EFNB3: variants seen among roughly 807,000 people sequenced by gnomAD.
EFNB3 encodes the protein ephrin B3, also known as ephrin-B3.
A neutral mutation model predicts 29.8 loss-of-function variants in EFNB3; 14 were observed. The observed-to-expected ratio is 0.47, with a 90% CI of 0.31 to 0.73. The LOEUF (loss-of-function observed/expected upper bound fraction) is 0.73, where lower values mean the gene tolerates loss of function less well. Among genes scored for constraint, EFNB3 ranks in the 30% least tolerant of loss-of-function variants. The probability of loss-of-function intolerance (pLI) is 0.05; values close to 1 mark genes in which losing one functional copy is unlikely to be tolerated. For missense variants in EFNB3, 408 were observed against 458.0 expected (o/e 0.89, Z 1.00); for synonymous variants, 216 against 191.6 (o/e 1.13, Z -1.05).
Position 7,708,124 on chromosome 17 carries a change from G to A in EFNB3, c.289G>A (p.Ala97Thr), listed in dbSNP as rs1365320532. Residue 97 changes from alanine (A) to threonine (T), a missense_variant, in exon 2 of 5, where the codon GCC becomes ACC. By Grantham distance (58) the Ala-to-Thr change is moderately conservative (BLOSUM62 0). Around this residue, in one of 3 missense-constraint regions of EFNB3, gnomAD observed 128 missense variants for 140.8 expected, o/e 0.91. Coordinates refer to ENST00000226091, the MANE Select transcript of EFNB3 (RefSeq NM_001406.4). This position sits in a 1 kb window ranked among gnomAD's most constrained non-coding sequence, Gnocchi z 6.8. ...AQGRRCEAPPAPNLLLTCDRP... is the reference protein window; with the variant it reads ...AQGRRCEAPPTPNLLLTCDRP... ...GGGCCGGCGCTGTGAGGCACCCCCT[G>A]CCCCAAACCTCCTTCTCACTTGTGA... is the stretch of plus-strand genomic sequence containing the variant. 4 of 1,613,988 alleles carry A rather than the reference G, an allele frequency of 2.5e-6. No homozygotes were observed. Among genetic ancestry groups the A allele is most frequent in the Non-Finnish European group, 3.4e-6 (4 of 1,180,022 alleles).
Position 7,709,136 on chromosome 17 carries a change from CCT to C in EFNB3, c.614-28_614-27del, listed in dbSNP as rs562025360. ...CCAGGTGGCTCCTTCAGTCCCTCCC[CCT>C]CTTTCCTCCTTCACCCCTTCCCTGC... On this transcript the variant is annotated intron_variant, in intron 4 of 4. Transcript: ENST00000226091. The surrounding 1 kb of genome is among the most constrained non-coding windows in gnomAD (Gnocchi z 4.5). 8 of 1,588,602 alleles carry C rather than the reference CCT, an allele frequency of 5.0e-6. No homozygotes were observed. Among genetic ancestry groups the C allele is most frequent in the East Asian group, 2.2e-5 (1 of 44,554 alleles).
Position 7,709,590 on chromosome 17 carries a change from G to A in EFNB3, c.*14G>A, listed in dbSNP as rs201191552. On this transcript the variant is annotated 3_prime_UTR_variant, in exon 5 of 5. Transcript: ENST00000226091. The surrounding 1 kb of genome is among the most constrained non-coding windows in gnomAD (Gnocchi z 4.5). ...TACAAGGTATGAGGGCTCCTCTCAC[G>A]TGGCTATCCTGAATCCAGCCCTTCT... 1.0e-4 allele frequency: 169 copies of A among 1,613,624 alleles called. 1 individual carries two copies. In the African/African-American group the frequency reaches 1.8e-3, roughly 17 times the overall value.
Position 7,705,814 on chromosome 17 carries a change from AG to A in EFNB3, c.122+96del. On this transcript the variant is annotated intron_variant, in intron 1 of 4. Coordinates refer to ENST00000226091, the MANE Select transcript of EFNB3 (RefSeq NM_001406.4). This position sits in a 1 kb window ranked among gnomAD's most constrained non-coding sequence, Gnocchi z 5.4. ...AGGCGGGCTTCTGTGGGCAGGGAGG[AG>A]GCGGGAGGGAAGGTGCTGGTGCTCT... The A allele has an allele frequency of 7.0e-7, 1 of 1,432,092 alleles. No homozygotes were observed. 88.7% of individuals were successfully genotyped at this position (1,432,092 alleles called of 1,614,324 possible). A position where few individuals can be genotyped will look rare whatever the true frequency, so the allele number is the denominator to read the frequency against.
chr17:7,708,567 C>A lies in EFNB3; in HGVS notation c.508+40C>A. ...GGGACACCTCCTGGGCACGAAGGGACGTTGGGGCAGTACGATCATGGTTGG... is the reference window on the plus strand; with the variant it reads ...GGGACACCTCCTGGGCACGAAGGGAAGTTGGGGCAGTACGATCATGGTTGG... On this transcript the variant is annotated intron_variant, in intron 3 of 4. Coordinates refer to ENST00000226091, the MANE Select transcript of EFNB3 (RefSeq NM_001406.4). This position sits in a 1 kb window ranked among gnomAD's most constrained non-coding sequence, Gnocchi z 6.8. 2 of 1,604,168 alleles carry A rather than the reference C, an allele frequency of 1.2e-6. No homozygotes were observed. The highest frequency in any genetic ancestry group is 8.5e-7 in the Non-Finnish European group (1 of 1,175,068).
chr17:7,709,697 T>TC lies in EFNB3; in HGVS notation c.*123dup. ...CCCTGTGCCCCCCCAGCCCCTTCACTCCTCCCGGCTGCTGTCCTCGTCTCC... is the reference window on the plus strand; with the variant it reads ...CCCTGTGCCCCCCCAGCCCCTTCACTCCCTCCCGGCTGCTGTCCTCGTCTCC... On this transcript the variant is annotated 3_prime_UTR_variant, in exon 5 of 5. Transcript: ENST00000226091. The surrounding 1 kb of genome is among the most constrained non-coding windows in gnomAD (Gnocchi z 4.5). 2.0e-6 allele frequency: 2 copies of TC among 975,688 alleles called. No homozygotes were observed. Among genetic ancestry groups the TC allele is most frequent in the Non-Finnish European group, 3.1e-6 (2 of 638,236 alleles). The allele number at this position is 975,688 out of a possible 1,614,324, so 60.4% of individuals were successfully genotyped here.
Position 7,711,124 on chromosome 17 carries a change from T to C in EFNB3, c.*1548T>C, listed in dbSNP as rs2074348159. 6.6e-6 allele frequency: 1 copy of C among 152,632 alleles called. No individual in the cohort carries two copies. The highest frequency in any genetic ancestry group is 6.5e-5 in the Admixed American group (1 of 15,272). 9.5% of individuals were successfully genotyped at this position (152,632 alleles called of 1,614,324 possible). A position where few individuals can be genotyped will look rare whatever the true frequency, so the allele number is the denominator to read the frequency against. On this transcript the variant is annotated 3_prime_UTR_variant, in exon 5 of 5. Coordinates refer to ENST00000226091, the MANE Select transcript of EFNB3 (RefSeq NM_001406.4). ...CAGTTTTATTAGATCAAAGCTGTTG[T>C]TGGGCACCAGGTTGGCCACCTCAAT...
chr17:7,711,018 C>T lies in EFNB3; in HGVS notation c.*1442C>T, dbSNP rs2074347858. On this transcript the variant is annotated 3_prime_UTR_variant, in exon 5 of 5. Coordinates refer to ENST00000226091, the MANE Select transcript of EFNB3 (RefSeq NM_001406.4). ...GCTGACAGTGGTACTTAGCAAAGGC[C>T]ACTGTTTCCATAGTGACCAGCTGAT... 1 of 152,596 alleles carries T rather than the reference C, an allele frequency of 6.6e-6. No individual in the cohort carries two copies. Among genetic ancestry groups the T allele is most frequent in the Admixed American group, 6.5e-5 (1 of 15,280 alleles). The allele number at this position is 152,596 out of a possible 1,614,324, so 9.5% of individuals were successfully genotyped here.
Position 7,708,957 on chromosome 17 carries a change from A to G in EFNB3, c.614-210A>G, listed in dbSNP as rs971768863. On this transcript the variant is annotated intron_variant, in intron 4 of 4. Transcript: ENST00000226091. This position sits in a 1 kb window ranked among gnomAD's most constrained non-coding sequence, Gnocchi z 6.8. ...AGTCAGTGCTTCAATCAGTGCTGTCAGAGAAGTGGGGAGGACTCCGTGGCA... is the reference window on the plus strand; with the variant it reads ...AGTCAGTGCTTCAATCAGTGCTGTCGGAGAAGTGGGGAGGACTCCGTGGCA... 6.6e-6 allele frequency among the ~76,000 whole-genome samples: 1 copy of G among 152,246 alleles called. No individual in the cohort carries two copies. The highest frequency in any genetic ancestry group is 1.5e-5 in the Non-Finnish European group (1 of 68,038).
rs2151099508 is a variant in EFNB3, at chr17:7,708,539, T to TG, written c.508+17dup. 5 of 1,612,460 alleles carry TG rather than the reference T, an allele frequency of 3.1e-6. No homozygotes were observed. In the East Asian group the frequency reaches 1.1e-4, roughly 36 times the overall value. On this transcript the variant is annotated intron_variant, in intron 3 of 4. Coordinates refer to ENST00000226091, the MANE Select transcript of EFNB3 (RefSeq NM_001406.4). This position sits in a 1 kb window ranked among gnomAD's most constrained non-coding sequence, Gnocchi z 6.8. Reference sequence around the variant, plus strand: ...CCGAGTGGGACAAAGTGAGTGGGGCTGGGGGACACCTCCTGGGCACGAAGG... The same window carrying TG: ...CCGAGTGGGACAAAGTGAGTGGGGCTGGGGGGACACCTCCTGGGCACGAAGG...
Position 7,705,496 on chromosome 17 carries a change from C to T in EFNB3, c.-103C>T, listed in dbSNP as rs998998639. On this transcript the variant is annotated 5_prime_UTR_variant, in exon 1 of 5. Transcript: ENST00000226091. This position sits in a 1 kb window ranked among gnomAD's most constrained non-coding sequence, Gnocchi z 5.4. ...CGTGGGCGCTGGGGGCATCAGCTACCGGGGTGGTCCGGGCTGAAGAGCCAG... is the reference window on the plus strand; with the variant it reads ...CGTGGGCGCTGGGGGCATCAGCTACTGGGGTGGTCCGGGCTGAAGAGCCAG... 3.1e-5 allele frequency: 18 copies of T among 580,082 alleles called. No individual in the cohort carries two copies. Among genetic ancestry groups the T allele is most frequent in the African/African-American group, 3.0e-4 (15 of 50,082 alleles). 35.9% of individuals were successfully genotyped at this position (580,082 alleles called of 1,614,324 possible).
Position 7,708,224 on chromosome 17 carries a change from G to T in EFNB3, c.389G>T (p.Arg130Leu). The change falls in exon 2 of 5, where the codon CGC becomes CTC. Residue 130 changes from arginine (R) to leucine (L), a missense_variant. By Grantham distance (102) the Arg-to-Leu change is moderately radical (BLOSUM62 -2). Around this residue, in one of 3 missense-constraint regions of EFNB3, gnomAD observed 47 missense variants for 86.6 expected, o/e 0.54. Transcript: ENST00000226091. This position sits in a 1 kb window ranked among gnomAD's most constrained non-coding sequence, Gnocchi z 6.8. ...YSPNLWGHEF[R>L]SHHDYYIIAT... ...CCTAATCTCTGGGGCCACGAGTTCC[G>T]CTCGCACCACGATTACTACATCATT... is the stretch of plus-strand genomic sequence containing the variant. 1 of 1,610,114 alleles carries T rather than the reference G, an allele frequency of 6.2e-7. No individual in the cohort carries two copies. The highest frequency in any genetic ancestry group is 8.5e-7 in the Non-Finnish European group (1 of 1,179,984).
In EFNB3 at chr17:7,705,756, A is replaced by T; in HGVS notation, c.122+36A>T. 2 of 1,530,806 alleles carry T rather than the reference A, an allele frequency of 1.3e-6. No homozygotes were observed. Among genetic ancestry groups the T allele is most frequent in the Middle Eastern group, 1.7e-4 (1 of 5,854 alleles). 94.8% of individuals were successfully genotyped at this position (1,530,806 alleles called of 1,614,324 possible). On this transcript the variant is annotated intron_variant, in intron 1 of 4. Coordinates refer to ENST00000226091, the MANE Select transcript of EFNB3 (RefSeq NM_001406.4). The surrounding 1 kb of genome is among the most constrained non-coding windows in gnomAD (Gnocchi z 5.4). Reference sequence around the variant, plus strand: ...TGCGGCTGGGGAGATCCCAGACCCTAGGGCAGTGGGTAGGGAAGCTCTGGG... The same window carrying T: ...TGCGGCTGGGGAGATCCCAGACCCTTGGGCAGTGGGTAGGGAAGCTCTGGG...
chr17:7,710,381 G>A lies in EFNB3; in HGVS notation c.*805G>A, dbSNP rs970901001. On this transcript the variant is annotated 3_prime_UTR_variant, in exon 5 of 5. Coordinates refer to ENST00000226091, the MANE Select transcript of EFNB3 (RefSeq NM_001406.4). ...ACCGGTCGGGACATGTATGGACTTG[G>A]TCTGATGCTGAATGGGCCACTTGGG... The A allele has an allele frequency of 2.6e-5, 4 of 152,864 alleles. No homozygotes were observed. Among genetic ancestry groups the A allele is most frequent in the Admixed American group, 6.5e-5 (1 of 15,300 alleles). 9.5% of individuals were successfully genotyped at this position (152,864 alleles called of 1,614,324 possible).
rs562472485 is a variant in EFNB3 at position 7,708,089 on chromosome 17, G to C, written c.254G>C (p.Gly85Ala). ...NYEFYKLYLV[G>A]GAQGRRCEAP... ...GAGTTCTACAAGCTGTACCTGGTAG[G>C]GGGTGCTCAGGGCCGGCGCTGTGAG... Residue 85 changes from glycine to alanine, a missense_variant, in exon 2 of 5, where the codon GGG becomes GCG. Gly to Ala is a moderately conservative substitution (Grantham distance 60, BLOSUM62 0). This residue lies in a region of EFNB3 where 128 missense variants were observed against 140.8 expected (regional missense o/e 0.91). Transcript: ENST00000226091. This position sits in a 1 kb window ranked among gnomAD's most constrained non-coding sequence, Gnocchi z 6.8. 1.2e-5 allele frequency: 20 copies of C among 1,614,102 alleles called. No homozygotes were observed. The highest frequency in any genetic ancestry group is 2.7e-5 in the African/African-American group (2 of 75,008).
chr17:7,706,394 T>C (rs971831632), intron 1 of EFNB3, among the ~76,000 whole-genome samples: 1 of 152,086 alleles, frequency 6.6e-6, no homozygotes, highest in Non-Finnish European at 1.5e-5. Context: ...GAGGACTCCA[T>C]TGCCCCCTCC....
In EFNB3 at chr17:7,708,066, G is replaced by A; in HGVS notation, c.231G>A (p.Glu77=). 6.2e-7 allele frequency: 1 copy of A among 1,614,100 alleles called. No homozygotes were observed. The highest frequency in any genetic ancestry group is 8.5e-7 in the Non-Finnish European group (1 of 1,179,998). The change falls in exon 2 of 5, where the codon GAG becomes GAA. Residue 77 remains glutamate, a synonymous_variant. Transcript: ENST00000226091. The surrounding 1 kb of genome is among the most constrained non-coding windows in gnomAD (Gnocchi z 6.8). ...GCCCTCACTCCTCTCCTAATTATGA[G>A]TTCTACAAGCTGTACCTGGTAGGGG... ...PPGPHSSPNY[E]FYKLYLVGGA...
chr17:7,705,577 C>G lies in EFNB3; in HGVS notation c.-22C>G. On this transcript the variant is annotated 5_prime_UTR_variant, in exon 1 of 5. Coordinates refer to ENST00000226091, the MANE Select transcript of EFNB3 (RefSeq NM_001406.4). This position sits in a 1 kb window ranked among gnomAD's most constrained non-coding sequence, Gnocchi z 5.4. ...CGACTTTGGGGGAGTTGGTGCCCCGCCCCCCAGGCCTTGGCGGGGTCATGG... is the reference window on the plus strand; with the variant it reads ...CGACTTTGGGGGAGTTGGTGCCCCGGCCCCCAGGCCTTGGCGGGGTCATGG... The G allele has an allele frequency of 7.4e-7, 1 of 1,356,980 alleles. No individual in the cohort carries two copies. Among genetic ancestry groups the G allele is most frequent in the Non-Finnish European group, 9.7e-7 (1 of 1,027,634 alleles). The allele number at this position is 1,356,980 out of a possible 1,614,324, so 84.1% of individuals were successfully genotyped here.
At position 7,709,330 on chromosome 17, in the gene EFNB3, G is replaced by A. The variant is rs910738679; in HGVS notation, c.777G>A (p.Ser259=). The change falls in exon 5 of 5, where the codon TCG becomes TCA. Residue 259 remains serine (S), a synonymous_variant. Coordinates refer to ENST00000226091, the MANE Select transcript of EFNB3 (RefSeq NM_001406.4). The surrounding 1 kb of genome is among the most constrained non-coding windows in gnomAD (Gnocchi z 4.5). The part of the protein sequence containing the change: ...MCWRRRRAKP[S]ESRHPGPGSF... ...GGCGGAGACGGCGGGCCAAGCCTTC[G>A]GAGAGTCGCCACCCTGGTCCTGGCT... is the stretch of plus-strand genomic sequence containing the variant. 3.7e-5 allele frequency: 58 copies of A among 1,569,360 alleles called. 1 individual carries two copies. The highest frequency in any genetic ancestry group is 1.1e-4 in the African/African-American group (8 of 73,410).
Position 7,709,950 on chromosome 17 carries a change from A to C in EFNB3, c.*374A>C. ...TGGCACCGCCTTCTTTCTGCCTCTC[A>C]CTGGTTTTCTCTTCTCTATCTCTTA... On this transcript the variant is annotated 3_prime_UTR_variant, in exon 5 of 5. Transcript: ENST00000226091. The surrounding 1 kb of genome is among the most constrained non-coding windows in gnomAD (Gnocchi z 4.5). 1 of 359,778 alleles carries C rather than the reference A, an allele frequency of 2.8e-6. No homozygotes were observed. Among genetic ancestry groups the C allele is most frequent in the Non-Finnish European group, 5.1e-6 (1 of 196,142 alleles). The allele number at this position is 359,778 out of a possible 1,614,324, so 22.3% of individuals were successfully genotyped here.
Sources: gnomAD v4.1 joint callset for allele counts (sites outside exome capture counted in the v4.1 genomes callset) on GRCh38, gnomAD v4.1.1 for gene constraint, gnomAD v4.1.1 regional missense constraint, Gnocchi (gnomAD v3.1) non-coding constraint, MANE v1.5 for transcripts, NCBI Gene and HGNC (gene_info 2026-07-23, HGNC 2026-07-21) for gene names.